Variants in DCBLD1 observed in about 807,000 individuals in gnomAD.
DCBLD1 encodes the protein discoidin, CUB and LCCL domain-containing protein 1.
In DCBLD1, 57 loss-of-function variants were observed where a neutral mutation model predicts 71.5. The ratio of observed to expected loss-of-function variants is 0.80; its 90% CI spans 0.64 to 0.99. The LOEUF (loss-of-function observed/expected upper bound fraction) is 0.99. Among genes scored for constraint, DCBLD1 ranks in the 50% least tolerant of loss-of-function variants. DCBLD1 has a pLI of 0.00. For missense variants in DCBLD1, 891 were observed against 923.5 expected, an observed-to-expected ratio of 0.96 and a Z score of 0.46; for synonymous variants, 380 against 363.8, an observed-to-expected ratio of 1.04 and a Z score of -0.51.
intron 5 of DCBLD1, among the ~76,000 whole-genome samples, chr6:117,528,791 G>C (rs1201375305): frequency 6.6e-6 from 1 of 152,096 alleles, no homozygotes; most frequent in East Asian, 1.9e-4. Context: ...CATTTGTCAG[G>C]GATAGCCGAA....
intron 1 of DCBLD1, among the ~76,000 whole-genome samples, chr6:117,489,842 G>A (rs1031810656): frequency 2.8e-4 from 42 of 152,262 alleles, no homozygotes; most frequent in African/African-American, 9.6e-4. Context: ...CGGAGATCAC[G>A]CCCCTGCACT....
intron 14 of DCBLD1, among the ~76,000 whole-genome samples, chr6:117,547,293 A>G (rs1779298159): frequency 6.6e-6 from 1 of 152,198 alleles, no homozygotes; most frequent in Non-Finnish European, 1.5e-5. Flanking sequence ...TGTGTGACCT[A>G]GGAAAAGTTA....
At chr6:117,525,688 A>G (rs1778527560) in intron 5 of DCBLD1, among the ~76,000 whole-genome samples, 1 of 152,168 alleles carries the variant, frequency 6.6e-6, no homozygotes, top group Non-Finnish European at 1.5e-5. Context: ...TATTCCATCC[A>G]CTTTTTGTAA....
chr6:117,545,564 C>T lies in DCBLD1; in HGVS notation c.1582C>T (p.Gln528Ter), dbSNP rs200745222. Residue 528 changes from glutamine (Q) to a stop codon, truncating the protein, a stop_gained, in exon 14 of 15, where the codon CAA (glutamine) becomes TAA (stop). Transcript: ENST00000338728. LOFTEE classifies it low-confidence loss of function (END_TRUNC). The stretch of plus-strand genomic sequence containing the variant: ...CTATGATAATGAGAAGGAGATGACA[C>T]AAAAGTTAGATCTCATCACAAGTGA... ...ISYDNEKEMT[Q>*]KLDLITSDMA... 6.2e-7 allele frequency: 1 copy of T among 1,614,082 alleles called. No homozygotes were observed. Among genetic ancestry groups the T allele is most frequent in the South Asian group, 1.1e-5 (1 of 91,070 alleles).
At chr6:117,523,011 TAG>T (rs1392525876) in intron 4 of DCBLD1, among the ~76,000 whole-genome samples, 2 of 152,144 alleles carry the variant, frequency 1.3e-5, no homozygotes, top group Admixed American at 6.5e-5. Context: ...TTATGTCTAA[TAG>T]GGGGAAAAAT....
intron 14 of DCBLD1, among the ~76,000 whole-genome samples, chr6:117,566,263 A>T (rs1320855118): frequency 2.0e-5 from 3 of 152,150 alleles, no homozygotes; most frequent in African/African-American, 7.2e-5. Context: ...AAAAGCTTTG[A>T]CCTCATGAAC....
chr6:117,519,765 T>C (rs1171361487), intron 2 of DCBLD1, 51 bp from the exon 3 acceptor site: 2 of 1,583,542 alleles, frequency 1.3e-6, no homozygotes, highest in African/African-American at 2.7e-5. Context: ...ATACCAGTCA[T>C]TTGTGCTGGT....
chr6:117,496,693 TAGAA>T (rs1229301652), intron 1 of DCBLD1, among the ~76,000 whole-genome samples: 1 of 152,200 alleles, frequency 6.6e-6, no homozygotes, highest in African/African-American at 2.4e-5. Flanking sequence ...ATCATGTTTT[TAGAA>T]ATGGTTTTAC....
intron 2 of DCBLD1, among the ~76,000 whole-genome samples, chr6:117,506,910 G>T (rs1777862379): frequency 6.6e-6 from 1 of 152,240 alleles, no homozygotes; most frequent in Non-Finnish European, 1.5e-5. Flanking sequence ...AAATATGGTG[G>T]CTTCTAATGA....
chr6:117,543,049 ATGT>A, intron 11 of DCBLD1, 72 bp from the exon 12 acceptor site: 1 of 1,238,630 alleles, frequency 8.1e-7, no homozygotes, highest in Non-Finnish European at 1.2e-6. Flanking sequence ...TTTCAATTCC[ATGT>A]TCAGTTTTAA....
At chr6:117,493,493 C>T (rs529804820) in intron 1 of DCBLD1, among the ~76,000 whole-genome samples, 1 of 152,132 alleles carries the variant, frequency 6.6e-6, no homozygotes, top group Non-Finnish European at 1.5e-5. Context: ...TAGAACTTCT[C>T]ATATCATAAT....
chr6:117,514,924 C>G (rs1778140716), intron 2 of DCBLD1, among the ~76,000 whole-genome samples: 1 of 151,044 alleles, frequency 6.6e-6, no homozygotes, highest in Admixed American at 6.6e-5. Flanking sequence ...CTTTTTGCAA[C>G]TTTTCCTTTC....
chr6:117,540,575 G>T, intron 9 of DCBLD1, 93 bp from the exon 10 acceptor site: 1 of 1,477,126 alleles, frequency 6.8e-7, no homozygotes, highest in South Asian at 1.3e-5. Context: ...TAGAATCCTT[G>T]CCTTGGTTTC....
rs552781034 is a variant in DCBLD1 at position 117,507,568 on chromosome 6, T to C, written c.325+3589T>C. On this transcript the variant is annotated intron_variant, in intron 2 of 14. Coordinates refer to ENST00000338728, the MANE Select transcript of DCBLD1 (RefSeq NM_001366458.2). ...AGTATCATACTTTTCTTAGTAGATA[T>C]CATTTTCACTATAGCTAAGGGAATT... 2.6e-5 allele frequency among the ~76,000 whole-genome samples: 4 copies of C among 152,340 alleles called. No homozygotes were observed. In the South Asian group the frequency reaches 6.2e-4, roughly 24 times the overall value.
intron 1 of DCBLD1, among the ~76,000 whole-genome samples, chr6:117,497,188 G>A (rs575856507): frequency 5.3e-4 from 81 of 152,100 alleles, no homozygotes; most frequent in Non-Finnish European, 8.8e-4. Context: ...GCAAGACTCC[G>A]TCTCAAAAAA....
intron 1 of DCBLD1, among the ~76,000 whole-genome samples, chr6:117,496,867 T>TA (rs1777486411): frequency 1.3e-5 from 2 of 152,132 alleles, no homozygotes; most frequent in Admixed American, 1.3e-4. Context: ...TGTAATAAAA[T>TA]AGTGGTATCA....
chr6:117,539,201 T>G (rs1286902386), intron 8 of DCBLD1, 54 bp from the exon 9 acceptor site: 1 of 1,409,998 alleles, frequency 7.1e-7, no homozygotes, highest in Non-Finnish European at 9.5e-7. Flanking sequence ...TTATAATAGA[T>G]GTTATATTTA....
intron 1 of DCBLD1, among the ~76,000 whole-genome samples, chr6:117,485,936 A>G (rs1777071459): frequency 6.6e-6 from 1 of 152,242 alleles, no homozygotes; most frequent in Non-Finnish European, 1.5e-5. Context: ...TCTAGTAGAT[A>G]TAATTTGTAA....
In DCBLD1 at chr6:117,537,212, G is replaced by A. The variant is rs201307783; in HGVS notation, c.747G>A (p.Leu249=). 4.5e-5 allele frequency: 72 copies of A among 1,613,760 alleles called. No homozygotes were observed. The highest frequency in any genetic ancestry group is 5.6e-5 in the Non-Finnish European group (66 of 1,179,932). Reference sequence around the variant, plus strand: ...GTTCCCTGTCAGACAAGCGATTTCTGTTTACCTCCAATGGTAAGGATCATG... The same window carrying A: ...GTTCCCTGTCAGACAAGCGATTTCTATTTACCTCCAATGGTAAGGATCATG... ...RDGSLSDKRF[L]FTSNGCSRSL... The change falls in exon 7 of 15, where the codon CTG becomes CTA. Residue 249 remains leucine, a synonymous_variant. Coordinates refer to ENST00000338728, the MANE Select transcript of DCBLD1 (RefSeq NM_001366458.2).
Sources: allele counts gnomAD v4.1 joint callset (sites outside exome capture counted in the v4.1 genomes callset), GRCh38; gene constraint gnomAD v4.1.1; transcripts MANE v1.5; gene names NCBI Gene and HGNC (gene_info 2026-07-23, HGNC 2026-07-21).